Variants in MYO16 observed in about 807,000 individuals in gnomAD.
The protein encoded by MYO16 is unconventional myosin-XVI.
Under a neutral mutation model 205.3 loss-of-function variants are expected in MYO16, and 94 were observed. That is an observed-to-expected ratio of 0.46 (90% CI 0.39 to 0.54). The LOEUF (loss-of-function observed/expected upper bound fraction) is 0.54, where lower values mean the gene tolerates loss of function less well. MYO16 is among the 20% of genes least tolerant of loss of function. MYO16 has a pLI of 0.00. For synonymous variants in MYO16, 988 were observed against 954.0 expected (o/e 1.04, Z -0.66); for missense variants, 2,315 against 2,387.5 (o/e 0.97, Z 0.63).
chr13:109,144,793 C>A (rs1877254233), intron 32 of MYO16, among the ~76,000 whole-genome samples: 1 of 152,174 alleles, frequency 6.6e-6, no homozygotes. Flanking sequence ...GGAACAATGA[C>A]ATCGAGGAGA....
chr13:108,612,928 A>G (rs1879227193), intron 1 of MYO16, among the ~76,000 whole-genome samples: 3 of 152,208 alleles, frequency 2.0e-5, no homozygotes, highest in Non-Finnish European at 4.4e-5. Flanking sequence ...AGCCAGGTTA[A>G]GAAGAAGGGG....
chr13:109,159,606 C>A (rs942447673), intron 32 of MYO16, among the ~76,000 whole-genome samples: 2 of 152,172 alleles, frequency 1.3e-5, no homozygotes, highest in Admixed American at 6.5e-5. Flanking sequence ...GAAGGAGACA[C>A]AAAACAAACA....
chr13:108,693,143 A>G (rs1328498799), intron 2 of MYO16, among the ~76,000 whole-genome samples: 2 of 152,242 alleles, frequency 1.3e-5, no homozygotes, highest in Non-Finnish European at 2.9e-5. Flanking sequence ...ATAAATTACA[A>G]TGATAATAAA....
intron 27 of MYO16, among the ~76,000 whole-genome samples, chr13:109,075,516 A>C (rs1888069545): frequency 6.6e-6 from 1 of 151,816 alleles, no homozygotes; most frequent in South Asian, 2.1e-4. Context: ...CAGCCTCCCA[A>C]GTAGCTGGTA....
At chr13:108,923,534 GGA>G (rs1218601776) in intron 16 of MYO16, among the ~76,000 whole-genome samples, 1 of 152,236 alleles carries the variant, frequency 6.6e-6, no homozygotes, top group African/African-American at 2.4e-5. Context: ...GAAGGAGAAA[GGA>G]GAGGGAACAC....
chr13:108,700,345 AAAAAAGAAG>A (rs1180941367), intron 2 of MYO16, among the ~76,000 whole-genome samples: 1 of 21,642 alleles, frequency 4.6e-5, no homozygotes, highest in Non-Finnish European at 1.1e-4. Flanking sequence ...AAAAAAAAAA[AAAAAAGAAG>A]AAGAAGAAGA....
At chr13:108,740,199 G>T (rs1458706031) in intron 4 of MYO16, among the ~76,000 whole-genome samples, 3 of 131,216 alleles carry the variant, frequency 2.3e-5, no homozygotes, top group Admixed American at 7.7e-5. Flanking sequence ...TCCTTTGGAG[G>T]GGGAGAGGTG....
chr13:108,951,026 A>G (rs1883126792), intron 16 of MYO16, among the ~76,000 whole-genome samples: 1 of 151,308 alleles, frequency 6.6e-6, no homozygotes, highest in Non-Finnish European at 1.5e-5. Context: ...TAAAAGCATT[A>G]CCTTCCTCAA....
intron 32 of MYO16, among the ~76,000 whole-genome samples, chr13:109,159,152 A>G (rs560676731): frequency 6.6e-6 from 1 of 152,384 alleles, no homozygotes; most frequent in African/African-American, 2.4e-5. Context: ...CCTTTCTCTC[A>G]TAAGTTAACA....
chr13:108,754,775 G>A lies in MYO16; in HGVS notation c.507+27192G>A, dbSNP rs565275768. Among the ~76,000 whole-genome samples, 6 of 152,240 alleles carry A rather than the reference G, an allele frequency of 3.9e-5. No homozygotes were observed. In the East Asian group the frequency reaches 1.2e-3, roughly 30 times the overall value. On this transcript the variant is annotated intron_variant, in intron 4 of 34. Coordinates refer to ENST00000457511, the MANE Select transcript of MYO16 (RefSeq NM_001198950.3). ...GGTTCTGCCCCTGCATCCTCCAGCAGTGGAATGTCACATGAACTCCTCTAT... is the reference window on the plus strand; with the variant it reads ...GGTTCTGCCCCTGCATCCTCCAGCAATGGAATGTCACATGAACTCCTCTAT...
At chr13:108,781,139 A>G (rs1886287902) in intron 4 of MYO16, among the ~76,000 whole-genome samples, 1 of 152,214 alleles carries the variant, frequency 6.6e-6, no homozygotes, top group South Asian at 2.1e-4. Flanking sequence ...TTTCGCATAT[A>G]TAGTATTTCA....
intron 4 of MYO16, among the ~76,000 whole-genome samples, chr13:108,735,108 T>C (rs1884645459): frequency 6.6e-6 from 1 of 152,094 alleles, no homozygotes; most frequent in Non-Finnish European, 1.5e-5. Context: ...TCTTATAAGT[T>C]CTTTTTATTT....
intron 2 of MYO16, among the ~76,000 whole-genome samples, chr13:108,696,662 T>C (rs1160171866): frequency 6.6e-6 from 1 of 152,198 alleles, no homozygotes; most frequent in Non-Finnish European, 1.5e-5. Flanking sequence ...TGAATGATAG[T>C]TACACAGGTG....
At chr13:109,138,819 TA>T (rs1876901543) in intron 31 of MYO16, among the ~76,000 whole-genome samples, 1 of 151,984 alleles carries the variant, frequency 6.6e-6, no homozygotes, top group Non-Finnish European at 1.5e-5. Context: ...TTAATTTATT[TA>T]TTTATTTATT....
intron 23 of MYO16, among the ~76,000 whole-genome samples, chr13:109,024,501 A>T (rs1030763691): frequency 3.9e-5 from 6 of 152,140 alleles, no homozygotes; most frequent in Non-Finnish European, 8.8e-5. Flanking sequence ...CATTCACTTA[A>T]AATTTCCAGT....
chr13:109,022,605 C>T lies in MYO16; in HGVS notation c.2796+2694C>T, dbSNP rs943846627. 6.0e-5 allele frequency among the ~76,000 whole-genome samples: 8 copies of T among 132,972 alleles called. 1 individual carries two copies. Among genetic ancestry groups the T allele is most frequent in the Admixed American group, 2.4e-4 (3 of 12,262 alleles). 87.2% of individuals were successfully genotyped at this position (132,972 alleles called of 152,430 possible). On this transcript the variant is annotated intron_variant, in intron 23 of 34. Transcript: ENST00000457511. ...TGTATATATTTCTATATTCTATATA[C>T]GCATATAAACATATGTATATATATT...
At chr13:108,967,179 G>A (rs1883828987) in intron 20 of MYO16, among the ~76,000 whole-genome samples, 1 of 151,474 alleles carries the variant, frequency 6.6e-6, no homozygotes, top group East Asian at 1.9e-4. Context: ...GTGTGTGTGT[G>A]TGTATGTATT....
At chr13:108,838,008 A>T (rs1003878937) in intron 9 of MYO16, among the ~76,000 whole-genome samples, 1 of 152,164 alleles carries the variant, frequency 6.6e-6, no homozygotes, top group Non-Finnish European at 1.5e-5. Flanking sequence ...AGAAGAAAAA[A>T]ATATGATTGA....
chr13:108,872,484 A>G (rs1017058020), intron 12 of MYO16, among the ~76,000 whole-genome samples: 3 of 152,090 alleles, frequency 2.0e-5, no homozygotes, highest in Admixed American at 6.6e-5. Context: ...TTTCAGAAAT[A>G]CACATTCATA....
Sources: allele counts gnomAD v4.1 joint callset (sites outside exome capture counted in the v4.1 genomes callset), GRCh38; gene constraint gnomAD v4.1.1; transcripts MANE v1.5; gene names NCBI Gene and HGNC (gene_info 2026-07-23, HGNC 2026-07-21).